The following SEC24A variants were observed in gnomAD, a reference collection of about 807,000 sequenced individuals.
The protein encoded by SEC24A is protein transport protein Sec24A.
A neutral mutation model predicts 129.4 loss-of-function variants in SEC24A; 93 were observed. That is an observed-to-expected ratio of 0.72 (90% confidence interval 0.61 to 0.85). The LOEUF (loss-of-function observed/expected upper bound fraction) is 0.85. Ranked by LOEUF, SEC24A falls within the 40% of genes least tolerant of loss-of-function variation. SEC24A has a pLI of 0.00. For synonymous variants in SEC24A, 460 were observed against 467.3 expected, an observed-to-expected ratio of 0.98 and a Z score of 0.20; for missense variants, 1,264 against 1,307.4, an observed-to-expected ratio of 0.97 and a Z score of 0.51.
chr5:134,672,063 G>A (rs1750883953), intron 4 of SEC24A, among the ~76,000 whole-genome samples, 177 bp downstream of exon 4: 1 of 152,136 alleles, frequency 6.6e-6, no homozygotes, highest in African/African-American at 2.4e-5. Flanking sequence ...TGTCGCTCAG[G>A]CTGGAGTGCA....
At chr5:134,662,140 T>C (rs1157971629) in intron 2 of SEC24A, among the ~76,000 whole-genome samples, 1 of 151,658 alleles carries the variant, frequency 6.6e-6, no homozygotes, top group Non-Finnish European at 1.5e-5. Flanking sequence ...CACATTTATT[T>C]ATTTTATTTA....
chr5:134,671,903 G>GTT lies in SEC24A; in HGVS notation c.817+26_817+27dup. 2.7e-5 allele frequency: 39 copies of GTT among 1,421,542 alleles called. No individual in the cohort carries two copies. The highest frequency in any genetic ancestry group is 5.9e-5 in the Admixed American group (3 of 51,258). 88.1% of individuals were successfully genotyped at this position (1,421,542 alleles called of 1,614,324 possible). A position where few individuals can be genotyped will look rare whatever the true frequency, so the allele number is the denominator to read the frequency against. ...GCTTATTGGGTGAGATGCTATGAAAGTTTTTTTTTTAATCTCTTTTTTCTG... is the reference window on the plus strand; with the variant it reads ...GCTTATTGGGTGAGATGCTATGAAAGTTTTTTTTTTTTAATCTCTTTTTTCTG... On this transcript the variant is annotated intron_variant, in intron 4 of 22. Transcript: ENST00000398844.
At chr5:134,693,221 G>A (rs1394189740) in intron 12 of SEC24A, 9 of 1,498,656 alleles carry the variant, frequency 6.0e-6, no homozygotes, top group Non-Finnish European at 8.0e-6. Context: ...TGGTGACTGT[G>A]CCATAGTGCG....
intron 8 of SEC24A, among the ~76,000 whole-genome samples, chr5:134,680,028 CATTTTT>C (rs1751211306): frequency 6.6e-6 from 1 of 151,992 alleles, no homozygotes. Flanking sequence ...ATTTAAGAAA[CATTTTT>C]ATTTAGAAAT....
intron 13 of SEC24A, among the ~76,000 whole-genome samples, chr5:134,695,331 A>G (rs956116085): frequency 6.6e-6 from 1 of 151,998 alleles, no homozygotes; most frequent in African/African-American, 2.4e-5. Flanking sequence ...ACTACACTCC[A>G]ACTTGGGAAA....
At chr5:134,690,394 G>A (rs191578349) in intron 11 of SEC24A, among the ~76,000 whole-genome samples, 116 of 152,156 alleles carry the variant, frequency 7.6e-4, no homozygotes, top group African/African-American at 2.7e-3. Flanking sequence ...GCTTGCTGCA[G>A]CCTTGAAGCC....
chr5:134,705,054 T>TTATTTA (rs1306271346), intron 16 of SEC24A, among the ~76,000 whole-genome samples: 89 of 139,488 alleles, frequency 6.4e-4, no homozygotes, highest in Non-Finnish European at 4.1e-4. Flanking sequence ...CGAAAAGAAG[T>TTATTTA]TATTTATATT....
chr5:134,723,965 TGTG>T (rs554479915), intron 22 of SEC24A, among the ~76,000 whole-genome samples: 47 of 152,290 alleles, frequency 3.1e-4, no homozygotes, highest in Admixed American at 9.8e-4. Flanking sequence ...ATTGTTTCCT[TGTG>T]GTGAGAACAT....
chr5:134,722,486 AGAATCTCTGGCAGGC>A (rs1419295157), intron 21 of SEC24A, among the ~76,000 whole-genome samples: 5 of 152,128 alleles, frequency 3.3e-5, no homozygotes, highest in African/African-American at 4.8e-5. Flanking sequence ...CTGAGGCAGG[AGAATCTCTGGCAGGC>A]GAATCGCTTG....
intron 7 of SEC24A, among the ~76,000 whole-genome samples, chr5:134,679,284 C>T (rs1489710201): frequency 6.6e-6 from 1 of 151,996 alleles, no homozygotes; most frequent in Admixed American, 6.6e-5. Context: ...GTCTCAAACT[C>T]CTGGCCTCAA....
chr5:134,725,059 T>C lies in SEC24A; in HGVS notation c.3247T>C (p.Phe1083Leu), dbSNP rs770629258. The C allele has an allele frequency of 1.3e-6, 2 of 1,588,764 alleles. No homozygotes were observed. Among genetic ancestry groups the C allele is most frequent in the African/African-American group, 2.7e-5 (2 of 74,352 alleles). The change falls in exon 23 of 23, where the codon TTC (phenylalanine) becomes CTC (leucine). Residue 1083 changes from phenylalanine to leucine, a missense_variant. Physicochemically the swap from Phe to Leu is conservative, Grantham distance 22 (BLOSUM62 0). Transcript: ENST00000398844. ...AGAATCTGCATTATCATATTATGAA[T>C]TCCTGTTGCATATACAGCAACAAGT... Reference protein sequence around the residue: ...RTESALSYYEFLLHIQQQVNK With the variant: ...RTESALSYYELLLHIQQQVNK
At chr5:134,723,951 AATT>A (rs1400154822) in intron 22 of SEC24A, among the ~76,000 whole-genome samples, 1 of 152,196 alleles carries the variant, frequency 6.6e-6, no homozygotes, top group Non-Finnish European at 1.5e-5. Context: ...CTTCTCAGCC[AATT>A]ATTGTTTCCT....
At chr5:134,667,042 G>T in intron 3 of SEC24A, 46 bp downstream of exon 3, 1 of 1,467,980 alleles carries the variant, frequency 6.8e-7, no homozygotes, top group South Asian at 1.4e-5. Flanking sequence ...TTTTGACTTA[G>T]GGTAGAAAGA....
intron 7 of SEC24A, among the ~76,000 whole-genome samples, chr5:134,678,355 A>T (rs1023335046): frequency 6.6e-6 from 1 of 152,108 alleles, no homozygotes; most frequent in Non-Finnish European, 1.5e-5. Flanking sequence ...CATTGGTCAT[A>T]TATTTTAGAA....
At position 134,725,104 on chromosome 5, in the gene SEC24A, G is replaced by GAAA; in HGVS notation, c.*11_*13dup. 7.6e-7 allele frequency: 1 copy of GAAA among 1,317,922 alleles called. No homozygotes were observed. Among genetic ancestry groups the GAAA allele is most frequent in the Non-Finnish European group, 1.1e-6 (1 of 917,278 alleles). 81.6% of individuals were successfully genotyped at this position (1,317,922 alleles called of 1,614,324 possible). A position where few individuals can be genotyped will look rare whatever the true frequency, so the allele number is the denominator to read the frequency against. ...ACAAGTGAATAAATGAATGAATGAA[G>GAAA]AAATTTGACTTATTTTTAAGGAATG... is the stretch of plus-strand genomic sequence containing the variant. On this transcript the variant is annotated 3_prime_UTR_variant, in exon 23 of 23. Transcript: ENST00000398844.
chr5:134,678,704 C>A (rs932798709), intron 7 of SEC24A, among the ~76,000 whole-genome samples: 1 of 152,108 alleles, frequency 6.6e-6, no homozygotes, highest in East Asian at 1.9e-4. Context: ...GCCTCAGCCT[C>A]CTGAGTAGCT....
At chr5:134,663,503 T>A (rs1750545727) in intron 2 of SEC24A, among the ~76,000 whole-genome samples, 1 of 152,068 alleles carries the variant, frequency 6.6e-6, no homozygotes, top group Non-Finnish European at 1.5e-5. Context: ...AGTAAAATAG[T>A]TTGGGAAAAC....
At chr5:134,657,686 C>G (rs747763418) in intron 1 of SEC24A, among the ~76,000 whole-genome samples, 2 of 152,082 alleles carry the variant, frequency 1.3e-5, no homozygotes, top group Non-Finnish European at 2.9e-5. Context: ...AAGTGATCCT[C>G]CCGCCTCAGC....
intron 1 of SEC24A, among the ~76,000 whole-genome samples, chr5:134,656,852 G>A (rs1330896777): frequency 1.3e-5 from 2 of 148,940 alleles, no homozygotes; most frequent in African/African-American, 5.0e-5. Flanking sequence ...TGCAATGATA[G>A]CTCACTGCAG....
Sources: gnomAD v4.1 joint callset for allele counts (sites outside exome capture counted in the v4.1 genomes callset) on GRCh38, gnomAD v4.1.1 for gene constraint, MANE v1.5 for transcripts, NCBI Gene and HGNC (gene_info 2026-07-23, HGNC 2026-07-21) for gene names.